Variants in ZFYVE26 observed in about 807,000 individuals in gnomAD.
The protein encoded by ZFYVE26 is zinc finger FYVE domain-containing protein 26.
Under a neutral mutation model 276.5 loss-of-function variants are expected in ZFYVE26, and 181 were observed. That is an observed-to-expected ratio of 0.65 (90% CI 0.58 to 0.74). The LOEUF is 0.74. Among genes scored for constraint, ZFYVE26 ranks in the 30% least tolerant of loss-of-function variants. ZFYVE26 has a pLI of 0.00. For missense variants in ZFYVE26, 2,821 were observed against 3,097.9 expected (o/e 0.91, Z 2.12); for synonymous variants, 1,129 against 1,203.1 (o/e 0.94, Z 1.27).
At chr14:67,805,741 G>A in intron 6 of ZFYVE26, 123 bp from the exon 7 acceptor site, 1 of 1,225,738 alleles carries the variant, frequency 8.2e-7, no homozygotes, top group Non-Finnish European at 1.2e-6. Flanking sequence ...AATAACAGGA[G>A]TGGTTGGCTG....
At position 67,814,234 on chromosome 14, in the gene ZFYVE26, C is replaced by T. The variant is rs557610060; in HGVS notation, c.195-170G>A. 6.6e-5 allele frequency among the ~76,000 whole-genome samples: 10 copies of T among 152,244 alleles called. No homozygotes were observed. The South Asian group carries it at 2.1e-3, about 32-fold the overall frequency. On this transcript the variant is annotated intron_variant, in intron 2 of 41. Transcript: ENST00000347230. ...ATGACAGTTCAGTAAAACATTGGAA[C>T]CAGGCCAGGCAAGGTGGCTCACACC...
In ZFYVE26 at chr14:67,809,280, G is replaced by A. The variant is rs1320447371; in HGVS notation, c.283C>T (p.Pro95Ser). Residue 95 changes from proline (P) to serine (S), a missense_variant, in exon 4 of 42, where the codon CCA (proline) becomes TCA (serine). Pro to Ser is a moderately conservative substitution (Grantham distance 74). Coordinates refer to ENST00000347230, the MANE Select transcript of ZFYVE26 (RefSeq NM_015346.4). ...TCAAGCTTTCTCCGGAAAACAACTG[G>A]GAGTAACTTCTAGAAGAATCAAAAG... The part of the protein sequence containing the change: ...KWLAREKKLL[P>S]VVFRRKLEFL... 2 of 1,613,082 alleles carry A rather than the reference G, an allele frequency of 1.2e-6. No individual in the cohort carries two copies. Among genetic ancestry groups the A allele is most frequent in the East Asian group, 2.2e-5 (1 of 44,888 alleles).
At chr14:67,770,915 G>A (rs866567275) in intron 28 of ZFYVE26, among the ~76,000 whole-genome samples, 1 of 151,638 alleles carries the variant, frequency 6.6e-6, no homozygotes, top group African/African-American at 2.4e-5. Context: ...TTGAAGATTT[G>A]TAAGTTTAAA....
At chr14:67,760,904 A>T in intron 35 of ZFYVE26, 1 of 305,726 alleles carries the variant, frequency 3.3e-6, no homozygotes, top group East Asian at 6.5e-5. Flanking sequence ...TTGGGGTTCA[A>T]CTATAGGATT....
rs534285546 is a variant in ZFYVE26 at position 67,761,043 on chromosome 14, A to G, written c.6588+323T>C. The G allele has an allele frequency of 1.1e-4, 65 of 595,070 alleles. No homozygotes were observed. The South Asian group carries it at 1.2e-3, about 11-fold the overall frequency. 36.9% of individuals were successfully genotyped at this position (595,070 alleles called of 1,614,324 possible). A position where few individuals can be genotyped will look rare whatever the true frequency, so the allele number is the denominator to read the frequency against. ...AAGCAGACTCTAAGCAATATGCCCAAGGCCACACAAGACTCACACTGAGCA... is the reference window on the plus strand; with the variant it reads ...AAGCAGACTCTAAGCAATATGCCCAGGGCCACACAAGACTCACACTGAGCA... On this transcript the variant is annotated intron_variant, in intron 35 of 41. Coordinates refer to ENST00000347230, the MANE Select transcript of ZFYVE26 (RefSeq NM_015346.4).
chr14:67,780,433 C>G, intron 22 of ZFYVE26, 88 bp from the exon 23 acceptor site: 1 of 1,172,366 alleles, frequency 8.5e-7, no homozygotes, highest in Non-Finnish European at 1.2e-6. Flanking sequence ...GATGGGCCAT[C>G]CCTAGATCTC....
Position 67,756,024 on chromosome 14 carries a change from T to C in ZFYVE26, c.6710A>G (p.Tyr2237Cys). The C allele has an allele frequency of 6.2e-7, 1 of 1,614,248 alleles. No individual in the cohort carries two copies. Among genetic ancestry groups the C allele is most frequent in the Non-Finnish European group, 8.5e-7 (1 of 1,180,036 alleles). The change falls in exon 36 of 42, where the codon TAC becomes TGC. Residue 2237 changes from tyrosine (Y) to cysteine (C), a missense_variant. By Grantham distance (194) the Tyr-to-Cys change is radical. Coordinates refer to ENST00000347230, the MANE Select transcript of ZFYVE26 (RefSeq NM_015346.4). ...TAAATGTTGGCAGGCAGCAATCAAGTACTTTCCCCAGCTCTCCAAGGTTGG... is the reference window on the plus strand; with the variant it reads ...TAAATGTTGGCAGGCAGCAATCAAGCACTTTCCCCAGCTCTCCAAGGTTGG... ...IDPTLESWGK[Y>C]LIAACQHLQK...
rs760873483 is a variant in ZFYVE26, at chr14:67,766,320, C to G, written c.5918G>C (p.Gly1973Ala). The change falls in exon 32 of 42, where the codon GGG (glycine) becomes GCG (alanine). Residue 1973 changes from glycine (G) to alanine (A), a missense_variant. Coordinates refer to ENST00000347230, the MANE Select transcript of ZFYVE26 (RefSeq NM_015346.4). ...CTGCTTCATGATGTCCGTGAGCAGC[C>G]CGGCATCCACCTCTGGGTTGGTGAG... ...KGLTNPEVDAGLLTDIMKQLL... is the reference protein window; with the variant it reads ...KGLTNPEVDAALLTDIMKQLL... 6.2e-7 allele frequency: 1 copy of G among 1,613,564 alleles called. No individual in the cohort carries two copies. Among genetic ancestry groups the G allele is most frequent in the South Asian group, 1.1e-5 (1 of 91,048 alleles).
chr14:67,786,340 A>T (rs972928682), intron 16 of ZFYVE26, 107 bp from the exon 17 acceptor site: 3 of 1,359,910 alleles, frequency 2.2e-6, no homozygotes, highest in Non-Finnish European at 3.0e-6. Flanking sequence ...CCTCTCCAAT[A>T]TTAAGGAGGA....
In ZFYVE26 at chr14:67,783,479, G is replaced by C; in HGVS notation, c.3673C>G (p.Gln1225Glu). 3 of 1,613,892 alleles carry C rather than the reference G, an allele frequency of 1.9e-6. No homozygotes were observed. The highest frequency in any genetic ancestry group is 2.5e-6 in the Non-Finnish European group (3 of 1,180,028). Reference sequence around the variant, plus strand: ...TCACAGCAGCAGCTGACGATGACCTGTGGCACACTTAGGCTGAGATTCTCT... The same window carrying C: ...TCACAGCAGCAGCTGACGATGACCTCTGGCACACTTAGGCTGAGATTCTCT... ...AQENLSLSVP[Q>E]VIVSCCCEPL... Residue 1225 changes from glutamine to glutamate, a missense_variant, in exon 21 of 42, where the codon CAG becomes GAG. Gln to Glu is a conservative substitution (Grantham distance 29, BLOSUM62 2). Transcript: ENST00000347230.
Position 67,783,068 on chromosome 14 carries a change from G to T in ZFYVE26, c.4084C>A (p.Gln1362Lys). Reference sequence around the variant, plus strand: ...AGGAAGGCCTCAAACAGAGGGAATTGTTCCAGAAGGCGCTCACACTCCCGG... The same window carrying T: ...AGGAAGGCCTCAAACAGAGGGAATTTTTCCAGAAGGCGCTCACACTCCCGG... ...VARECERLLE[Q>K]FPLFEAFLLA... Residue 1362 changes from glutamine (Q) to lysine (K), a missense_variant, in exon 21 of 42, where the codon CAA becomes AAA. Physicochemically the swap from Gln to Lys is moderately conservative, Grantham distance 53 (BLOSUM62 1). Coordinates refer to ENST00000347230, the MANE Select transcript of ZFYVE26 (RefSeq NM_015346.4). The T allele has an allele frequency of 1.2e-6, 2 of 1,614,024 alleles. No individual in the cohort carries two copies. The highest frequency in any genetic ancestry group is 1.3e-5 in the African/African-American group (1 of 75,058).
intron 14 of ZFYVE26, among the ~76,000 whole-genome samples, chr14:67,792,147 A>G (rs748782139): frequency 2.6e-5 from 4 of 152,048 alleles, no homozygotes; most frequent in South Asian, 4.1e-4. Context: ...TCATTAAAGT[A>G]TAAGATCTAA....
intron 35 of ZFYVE26, among the ~76,000 whole-genome samples, chr14:67,757,588 T>C (rs572171845): frequency 6.6e-6 from 1 of 152,350 alleles, no homozygotes; most frequent in East Asian, 1.9e-4. Flanking sequence ...ACAATATCTA[T>C]TTTATTTCTC....
chr14:67,798,611 G>C lies in ZFYVE26; in HGVS notation c.1651C>G (p.Leu551Val), dbSNP rs886050658. ...DSLSSPGAAN[L>V]FSTYLARCQQ... ...CACCTGGCCAGGTAAGTTGAGAAGA[G>C]ATTTGCAGCACCTACAAAAACATGT... Residue 551 changes from leucine (L) to valine (V), a missense_variant, in exon 11 of 42, where the codon CTC becomes GTC. By Grantham distance (32) the Leu-to-Val change is conservative. Transcript: ENST00000347230. 3.1e-6 allele frequency: 5 copies of C among 1,613,908 alleles called. No homozygotes were observed. In the South Asian group the frequency reaches 4.4e-5, roughly 14 times the overall value.
intron 12 of ZFYVE26, among the ~76,000 whole-genome samples, chr14:67,795,060 T>C (rs1476761592): frequency 6.6e-6 from 1 of 152,208 alleles, no homozygotes; most frequent in Non-Finnish European, 1.5e-5. Context: ...CTTCCTAACA[T>C]GTTAGAGCTT....
chr14:67,731,012 G>T (rs1296530115), intron 13 of ZFYVE26, among the ~76,000 whole-genome samples: 1 of 151,790 alleles, frequency 6.6e-6, no homozygotes, highest in Non-Finnish European at 1.5e-5. Flanking sequence ...TTTTTATATT[G>T]ATTGCATGCT....
At chr14:67,746,201 G>A (rs1005085531), downstream of ZFYVE26, among the ~76,000 whole-genome samples, 5 of 152,134 alleles carry the variant, frequency 3.3e-5, no homozygotes, top group African/African-American at 1.2e-4. Context: ...TGGCCTCTGG[G>A]AGGGGACTGG....
rs75490362 is a variant in ZFYVE26 at position 67,764,703 on chromosome 14, C to T, written c.6011+1524G>A. On this transcript the variant is annotated intron_variant, in intron 32 of 41. Transcript: ENST00000347230. ...CAAAGGGAAAGATTCTTAGAGTGGG[C>T]GTGTCTGAATGCAGGATCAGAGAAA... 6.8e-4 allele frequency among the ~76,000 whole-genome samples: 104 copies of T among 152,258 alleles called. 2 individuals carry two copies. In the East Asian group the frequency reaches 0.018, roughly 26 times the overall value.
chr14:67,806,805 T>A, intron 5 of ZFYVE26, 130 bp from the exon 6 acceptor site: 1 of 1,036,940 alleles, frequency 9.6e-7, no homozygotes, highest in Non-Finnish European at 1.4e-6. Flanking sequence ...CCATACTTTA[T>A]CTTAGGGTAT....
Sources: gnomAD v4.1 joint callset for allele counts (sites outside exome capture counted in the v4.1 genomes callset) on GRCh38, gnomAD v4.1.1 for gene constraint, MANE v1.5 for transcripts, NCBI Gene and HGNC (gene_info 2026-07-23, HGNC 2026-07-21) for gene names.